Variants in TRARG1 observed in about 807,000 individuals in gnomAD.
TRARG1 encodes the protein trafficking regulator of GLUT4 1.
In TRARG1, 16 loss-of-function variants were observed where a neutral mutation model predicts 13.3. The ratio of observed to expected loss-of-function variants is 1.20; its 90% CI spans 0.81 to 1.83. The LOEUF (loss-of-function observed/expected upper bound fraction) is 1.83. Ranked by LOEUF, TRARG1 falls within the 40% of genes most tolerant of loss-of-function variation. The probability of loss-of-function intolerance (pLI) is 0.00; values close to 1 mark genes in which losing one functional copy is unlikely to be tolerated. For missense variants in TRARG1, 250 were observed against 237.4 expected (o/e 1.05, Z -0.35); for synonymous variants, 113 against 106.2 (o/e 1.06, Z -0.39).
intron 1 of TRARG1, among the ~76,000 whole-genome samples, chr17:1,283,012 G>T (rs2071995473): frequency 1.3e-5 from 2 of 152,060 alleles, no homozygotes; most frequent in Non-Finnish European, 2.9e-5. Context: ...TTTGAGTCAG[G>T]TGTGATGAAT....
At chr17:1,296,717 G>C (rs1400642736) in intron 2 of TRARG1, among the ~76,000 whole-genome samples, 1 of 151,882 alleles carries the variant, frequency 6.6e-6, no homozygotes, top group African/African-American at 2.4e-5. Context: ...CATCATATCA[G>C]TCAGGCTGGT....
intron 1 of TRARG1, 115 bp downstream of exon 1, chr17:1,280,503 G>A: frequency 8.3e-7 from 1 of 1,200,340 alleles, no homozygotes; most frequent in Non-Finnish European, 1.2e-6. Context: ...GCTGGGAGTG[G>A]GGGGCTTGGG....
chr17:1,284,064 G>C (rs1021665697), intron 1 of TRARG1, among the ~76,000 whole-genome samples: 2 of 151,748 alleles, frequency 1.3e-5, no homozygotes, highest in African/African-American at 4.8e-5. Context: ...ACAGTGAGCT[G>C]AGATGGTGCC....
At chr17:1,285,331 A>T (rs922941187) in intron 1 of TRARG1, among the ~76,000 whole-genome samples, 37 of 152,052 alleles carry the variant, frequency 2.4e-4, no homozygotes, top group African/African-American at 8.2e-4. Context: ...GGATTACTTA[A>T]ACCCGGGCGG....
rs533690290 is a variant in TRARG1, at chr17:1,282,244, A to G, written c.387+1856A>G. Among the ~76,000 whole-genome samples the G allele has an allele frequency of 7.5e-4, 88 of 117,804 alleles. 6 individuals carry two copies. The highest frequency in any genetic ancestry group is 2.6e-3 in the African/African-American group (80 of 31,030). The allele number at this position is 117,804 out of a possible 152,430, so 77.3% of individuals were successfully genotyped here. A position where few individuals can be genotyped will look rare whatever the true frequency, so the allele number is the denominator to read the frequency against. On this transcript the variant is annotated intron_variant, in intron 1 of 2. Transcript: ENST00000333813. ...CACGTGCGTATATGTACGTATATGC[A>G]CGTATATGTACGTATATGTACATAT...
chr17:1,280,404 T>G lies in TRARG1; in HGVS notation c.387+16T>G. 1.3e-6 allele frequency: 2 copies of G among 1,561,224 alleles called. No individual in the cohort carries two copies. Among genetic ancestry groups the G allele is most frequent in the Non-Finnish European group, 1.7e-6 (2 of 1,154,804 alleles). On this transcript the variant is annotated intron_variant, in intron 1 of 2. Transcript: ENST00000333813. ...TTCCATCATGGTAAGTGCTGGTCTTTGTTCCAGGGGCAGGGGCTGGGCCCA... is the reference window on the plus strand; with the variant it reads ...TTCCATCATGGTAAGTGCTGGTCTTGGTTCCAGGGGCAGGGGCTGGGCCCA...
In TRARG1 at chr17:1,299,448, G is replaced by C. The variant is rs372645130; in HGVS notation, c.*1184G>C. 6.6e-6 allele frequency: 1 copy of C among 152,312 alleles called. No individual in the cohort carries two copies. Among genetic ancestry groups the C allele is most frequent in the East Asian group, 1.9e-4 (1 of 5,174 alleles). 9.4% of individuals were successfully genotyped at this position (152,312 alleles called of 1,614,324 possible). On this transcript the variant is annotated 3_prime_UTR_variant, in exon 3 of 3. Coordinates refer to ENST00000333813, the MANE Select transcript of TRARG1 (RefSeq NM_172367.3). ...GAAGGACCCCGTCTGCAGGAGAGTC[G>C]GGGGACCAGGTTTGGGAATACACTT...
chr17:1,295,594 T>C lies in TRARG1; in HGVS notation c.491T>C (p.Ile164Thr), dbSNP rs772782807. 1.2e-6 allele frequency: 2 copies of C among 1,612,860 alleles called. No individual in the cohort carries two copies. The highest frequency in any genetic ancestry group is 2.7e-5 in the African/African-American group (2 of 74,906). ...CTCATCATCATGGGCATCGTCATTA[T>C]CATGGTGGCCGTGACCGTCAACTTC... ...ITLIIMGIVI[I>T]MVAVTVNFTV... The change falls in exon 2 of 3, where the codon ATC becomes ACC. Residue 164 changes from isoleucine (I) to threonine (T), a missense_variant. Transcript: ENST00000333813.
At chr17:1,281,993 T>C (rs1401406505) in intron 1 of TRARG1, among the ~76,000 whole-genome samples, 1 of 151,512 alleles carries the variant, frequency 6.6e-6, no homozygotes, top group Non-Finnish European at 1.5e-5. Context: ...TATGTACATA[T>C]ATACAGATAT....
chr17:1,296,305 T>G (rs1191317874), intron 2 of TRARG1, among the ~76,000 whole-genome samples: 1 of 152,112 alleles, frequency 6.6e-6, no homozygotes, highest in African/African-American at 2.4e-5. Flanking sequence ...CAAGTGATTC[T>G]CCTGCCTCAG....
At chr17:1,286,383 G>A (rs35713482) in intron 1 of TRARG1, among the ~76,000 whole-genome samples, 61,371 of 141,900 alleles carry the variant, frequency 0.43, 12,870 homozygotes, top group Admixed American at 0.54. Flanking sequence ...AGGTGTTATC[G>A]GCCTGTGGGG....
At chr17:1,285,813 G>A (rs1336133107) in intron 1 of TRARG1, among the ~76,000 whole-genome samples, 13 of 152,022 alleles carry the variant, frequency 8.6e-5, no homozygotes, top group Admixed American at 7.2e-4. Context: ...TAACATCTAG[G>A]GGGAGGGCCG....
intron 1 of TRARG1, among the ~76,000 whole-genome samples, chr17:1,293,498 G>T (rs544133725): frequency 6.7e-6 from 1 of 149,770 alleles, no homozygotes; most frequent in Non-Finnish European, 1.5e-5. Context: ...TGATGATGTC[G>T]TGGGTTGTGC....
At chr17:1,296,138 C>A (rs1489303204) in intron 2 of TRARG1, among the ~76,000 whole-genome samples, 1 of 152,222 alleles carries the variant, frequency 6.6e-6, no homozygotes, top group Non-Finnish European at 1.5e-5. Context: ...TCTGTGGGCA[C>A]CCATAGGTGG....
At chr17:1,282,215 TATACACGTGCGTATATGTAC>T (rs2071983379) in intron 1 of TRARG1, among the ~76,000 whole-genome samples, 4 of 99,998 alleles carry the variant, frequency 4.0e-5, no homozygotes, top group Admixed American at 9.6e-5. Context: ...TATATGTACG[TATACACGTGCGTATATGTAC>T]GTATATGCAC....
Position 1,300,846 on chromosome 17 carries a change from C to T in TRARG1, c.*2582C>T, listed in dbSNP as rs1306655647. The T allele has an allele frequency of 2.0e-5, 3 of 152,304 alleles. No homozygotes were observed. Among genetic ancestry groups the T allele is most frequent in the Non-Finnish European group, 2.9e-5 (2 of 68,090 alleles). The allele number at this position is 152,304 out of a possible 1,614,324, so 9.4% of individuals were successfully genotyped here. On this transcript the variant is annotated 3_prime_UTR_variant, in exon 3 of 3. Transcript: ENST00000333813. ...CGCCACCTGCATGAACACAGTGGCC[C>T]GGCTTAACGCACTAACCCAGCCTCT...
At chr17:1,282,295 C>CATATAT (rs2071987734) in intron 1 of TRARG1, among the ~76,000 whole-genome samples, 2 of 150,212 alleles carry the variant, frequency 1.3e-5, no homozygotes, top group African/African-American at 2.5e-5. Context: ...CATATATGTA[C>CATATAT]GTATATGTAC....
At position 1,299,384 on chromosome 17, in the gene TRARG1, G is replaced by A. The variant is rs1020289878; in HGVS notation, c.*1120G>A. 4 of 152,244 alleles carry A rather than the reference G, an allele frequency of 2.6e-5. No individual in the cohort carries two copies. Among genetic ancestry groups the A allele is most frequent in the African/African-American group, 9.6e-5 (4 of 41,454 alleles). The allele number at this position is 152,244 out of a possible 1,614,324, so 9.4% of individuals were successfully genotyped here. The stretch of plus-strand genomic sequence containing the variant: ...GGTCAGAGAGTTTTTATGGGGGTCT[G>A]TTGTTTGACCGTCCTGAGACCGAGG... On this transcript the variant is annotated 3_prime_UTR_variant, in exon 3 of 3. Coordinates refer to ENST00000333813, the MANE Select transcript of TRARG1 (RefSeq NM_172367.3).
chr17:1,298,338 G>T lies in TRARG1; in HGVS notation c.*74G>T. ...GAGCTCTGACCTGCACACCGCGGGA[G>T]GCCAGGGTGCTGACTGTCAAGCATC... On this transcript the variant is annotated 3_prime_UTR_variant, in exon 3 of 3. Coordinates refer to ENST00000333813, the MANE Select transcript of TRARG1 (RefSeq NM_172367.3). The T allele has an allele frequency of 3.9e-6, 6 of 1,551,092 alleles. No homozygotes were observed. Among genetic ancestry groups the T allele is most frequent in the Non-Finnish European group, 5.3e-6 (6 of 1,134,822 alleles).
Sources: allele counts gnomAD v4.1 joint callset (sites outside exome capture counted in the v4.1 genomes callset), GRCh38; gene constraint gnomAD v4.1.1; transcripts MANE v1.5; gene names NCBI Gene and HGNC (gene_info 2026-07-23, HGNC 2026-07-21).